EPHA6: variants seen among roughly 807,000 people sequenced by gnomAD.
The protein encoded by EPHA6 is ephrin type-A receptor 6.
EPHA6 carries 50 observed loss-of-function variants against 112.0 expected under a neutral mutation model. The ratio of observed to expected loss-of-function variants is 0.45; its 90% CI spans 0.36 to 0.56. The LOEUF is 0.56. EPHA6 is among the 20% of genes least tolerant of loss of function. The pLI is 0.00. For synonymous variants in EPHA6, 529 were observed against 490.7 expected, an observed-to-expected ratio of 1.08 and a Z score of -1.03; for missense variants, 1,280 against 1,417.4, an observed-to-expected ratio of 0.90 and a Z score of 1.56.
At chr3:97,396,602 T>G (rs2086708750) in intron 5 of EPHA6, among the ~76,000 whole-genome samples, 1 of 151,568 alleles carries the variant, frequency 6.6e-6, no homozygotes, top group Non-Finnish European at 1.5e-5. Flanking sequence ...TAGGAGAAAA[T>G]GTAGTAAAAA....
chr3:96,853,612 A>T (rs141580975), intron 1 of EPHA6, among the ~76,000 whole-genome samples: 1 of 152,040 alleles, frequency 6.6e-6, no homozygotes, highest in East Asian at 1.9e-4. Flanking sequence ...GTAGGTATAT[A>T]TACATATATA....
chr3:97,240,498 ATT>A (rs1320955716), intron 4 of EPHA6, among the ~76,000 whole-genome samples: 1 of 151,840 alleles, frequency 6.6e-6, no homozygotes, highest in Non-Finnish European at 1.5e-5. Flanking sequence ...TATTCTTAAG[ATT>A]TTAAAAAGTA....
At chr3:96,980,896 A>G (rs2042740509) in intron 2 of EPHA6, among the ~76,000 whole-genome samples, 1 of 152,074 alleles carries the variant, frequency 6.6e-6, no homozygotes, top group Non-Finnish European at 1.5e-5. Flanking sequence ...TTGCACATTG[A>G]TTTTGTATCC....
rs1179315351 is a variant in EPHA6 at position 97,458,956 on chromosome 3, A to T, written c.1894+10226A>T. On this transcript the variant is annotated intron_variant, in intron 7 of 17. Coordinates refer to ENST00000389672, the MANE Select transcript of EPHA6 (RefSeq NM_001080448.3). ...TGAGAAGTTCAGAATATTAAACAAG[A>T]TTCCAGTAGAAGGCAATATGTATTG... is the stretch of plus-strand genomic sequence containing the variant. 3.9e-5 allele frequency among the ~76,000 whole-genome samples: 6 copies of T among 152,326 alleles called. No homozygotes were observed. In the East Asian group the frequency reaches 1.2e-3, roughly 29 times the overall value.
chr3:97,175,047 T>G (rs1261622308), intron 3 of EPHA6, among the ~76,000 whole-genome samples: 1 of 151,996 alleles, frequency 6.6e-6, no homozygotes, highest in Non-Finnish European at 1.5e-5. Flanking sequence ...GATGTAAGTA[T>G]TTAATTTGCT....
At chr3:97,626,078 AAGTAGC>A (rs1470271714) in intron 13 of EPHA6, among the ~76,000 whole-genome samples, 2 of 151,810 alleles carry the variant, frequency 1.3e-5, no homozygotes, top group Admixed American at 1.3e-4. Flanking sequence ...TTAAAAAGAA[AAGTAGC>A]AGATCATGAA....
At chr3:97,576,053 A>T (rs1291885364) in intron 11 of EPHA6, among the ~76,000 whole-genome samples, 2 of 152,116 alleles carry the variant, frequency 1.3e-5, no homozygotes, top group Non-Finnish European at 2.9e-5. Context: ...GATAAGGAAC[A>T]CAGTGTGGGG....
chr3:97,744,696 C>G (rs2035639649), intron 16 of EPHA6, among the ~76,000 whole-genome samples: 1 of 151,892 alleles, frequency 6.6e-6, no homozygotes, highest in Non-Finnish European at 1.5e-5. Flanking sequence ...CCTTCCATGA[C>G]CTTTTATACT....
chr3:97,244,259 A>G lies in EPHA6; in HGVS notation c.1578A>G (p.Thr526=), dbSNP rs55757053. Residue 526 remains threonine (T), a synonymous_variant, in exon 5 of 18, where the codon ACA becomes ACG. Coordinates refer to ENST00000389672, the MANE Select transcript of EPHA6 (RefSeq NM_001080448.3). ...TGAGTTTTTCTCCCAAGCCATTCAC[A>G]GCTATTACAGTGACCACGGATCAAG... ...SELSFSPKPF[T]AITVTTDQDA... 917 of 1,613,242 alleles carry G rather than the reference A, an allele frequency of 5.7e-4. 8 individuals carry two copies. The African/African-American group carries it at 0.01, about 18-fold the overall frequency.
chr3:97,678,156 TC>T (rs1417359721), intron 14 of EPHA6, among the ~76,000 whole-genome samples: 1 of 152,064 alleles, frequency 6.6e-6, no homozygotes, highest in Non-Finnish European at 1.5e-5. Flanking sequence ...TGACTGGAAA[TC>T]TGGTGCCTTG....
intron 3 of EPHA6, among the ~76,000 whole-genome samples, chr3:97,181,135 C>A (rs2076977425): frequency 6.6e-6 from 1 of 152,132 alleles, no homozygotes; most frequent in African/African-American, 2.4e-5. Context: ...TCTGGTTTTC[C>A]CTTCTGCCCT....
intron 5 of EPHA6, among the ~76,000 whole-genome samples, chr3:97,251,337 TG>T (rs1279677921): frequency 6.6e-6 from 1 of 151,996 alleles, no homozygotes; most frequent in Non-Finnish European, 1.5e-5. Context: ...GAGACCGTCC[TG>T]GCTAACACAG....
At chr3:96,824,684 T>A (rs181134704) in intron 1 of EPHA6, among the ~76,000 whole-genome samples, 2 of 152,162 alleles carry the variant, frequency 1.3e-5, no homozygotes, top group Non-Finnish European at 2.9e-5. Flanking sequence ...AATATCAAAG[T>A]TACATGTATT....
chr3:96,868,193 A>T (rs993707983), intron 2 of EPHA6, among the ~76,000 whole-genome samples: 22 of 148,088 alleles, frequency 1.5e-4, no homozygotes, highest in African/African-American at 5.4e-4. Flanking sequence ...AGAGAGACAG[A>T]GTGTGTGTGT....
At chr3:97,579,584 C>T (rs548122320) in intron 11 of EPHA6, among the ~76,000 whole-genome samples, 1 of 152,160 alleles carries the variant, frequency 6.6e-6, no homozygotes, top group Non-Finnish European at 1.5e-5. Context: ...TTATTGATGT[C>T]ATAGGGTGAT....
chr3:97,187,733 GA>G (rs774182667), intron 3 of EPHA6, among the ~76,000 whole-genome samples: 1 of 147,642 alleles, frequency 6.8e-6, no homozygotes, highest in African/African-American at 2.5e-5. Context: ...AAGAAAGAAA[GA>G]AAGAAAGAAA....
intron 11 of EPHA6, among the ~76,000 whole-genome samples, chr3:97,582,304 C>T (rs1250799233): frequency 6.6e-6 from 1 of 152,146 alleles, no homozygotes; most frequent in Non-Finnish European, 1.5e-5. Flanking sequence ...GCTAGCATTG[C>T]AGGTGTGAGC....
intron 3 of EPHA6, among the ~76,000 whole-genome samples, chr3:97,185,858 A>G (rs2077114743): frequency 6.6e-6 from 1 of 152,140 alleles, no homozygotes; most frequent in African/African-American, 2.4e-5. Flanking sequence ...TGTGGCACAT[A>G]TACACCATGG....
chr3:97,691,093 T>G (rs1257037679), intron 14 of EPHA6, among the ~76,000 whole-genome samples: 1 of 152,230 alleles, frequency 6.6e-6, no homozygotes, highest in Non-Finnish European at 1.5e-5. Flanking sequence ...AGATCCATGA[T>G]CCATTTTGAA....
Sources: gnomAD v4.1 joint callset for allele counts (sites outside exome capture counted in the v4.1 genomes callset) on GRCh38, gnomAD v4.1.1 for gene constraint, MANE v1.5 for transcripts, NCBI Gene and HGNC (gene_info 2026-07-23, HGNC 2026-07-21) for gene names.